Variants in NBEA observed in about 807,000 individuals in gnomAD.
NBEA encodes neurobeachin, also known as lysosomal-trafficking regulator 2.
Under a neutral mutation model 343.4 loss-of-function variants are expected in NBEA, and 44 were observed. The ratio of observed to expected loss-of-function variants is 0.13; its 90% CI spans 0.10 to 0.16. The LOEUF is 0.16. Among genes scored for constraint, NBEA ranks in the 10% least tolerant of loss-of-function variants. NBEA has a pLI of 1.00. For synonymous variants in NBEA, 1,175 were observed against 1,238.7 expected (o/e 0.95, Z 1.08); for missense variants, 2,555 against 3,631.3 (o/e 0.70, Z 7.62).
At chr13:35,143,326 C>T (rs773342017) in intron 18 of NBEA, among the ~76,000 whole-genome samples, 2 of 152,182 alleles carry the variant, frequency 1.3e-5, no homozygotes, top group African/African-American at 4.8e-5. Flanking sequence ...CTAGAAATTA[C>T]GGTGATGTAA....
chr13:35,195,984 C>T lies in NBEA; in HGVS notation c.5048C>T (p.Ala1683Val), dbSNP rs765159152. Residue 1683 changes from alanine (A) to valine (V), a missense_variant, in exon 31 of 59, where the codon GCT (alanine) becomes GTT (valine). By Grantham distance (64) the Ala-to-Val change is moderately conservative. This residue lies in a region of NBEA where 270 missense variants were observed against 293.3 expected (regional missense o/e 0.92). Coordinates refer to ENST00000379939, the MANE Select transcript of NBEA (RefSeq NM_001385012.1). ...TCAGGAATTGGAGAGGAGCAAGTGG[C>T]TAGCATCCTGAATGGGGCAGAATTA... ...TDSGIGEEQV[A>V]SILNGAELET... 6.2e-6 allele frequency: 10 copies of T among 1,613,512 alleles called. No individual in the cohort carries two copies. Among genetic ancestry groups the T allele is most frequent in the Non-Finnish European group, 8.5e-6 (10 of 1,179,728 alleles).
Position 35,335,626 on chromosome 13 carries a change from G to T in NBEA, c.5904-13482G>T, listed in dbSNP as rs547056860. Among the ~76,000 whole-genome samples, 4 of 152,094 alleles carry T rather than the reference G, an allele frequency of 2.6e-5. No individual in the cohort carries two copies. The South Asian group carries it at 8.3e-4, about 32-fold the overall frequency. ...CTTACAGTATTTTAGACTTATGATG[G>T]TTTTATTAGGACACAACTTCGTAAG... On this transcript the variant is annotated intron_variant, in intron 36 of 58. Coordinates refer to ENST00000379939, the MANE Select transcript of NBEA (RefSeq NM_001385012.1).
chr13:35,111,233 A>G (rs1296770859), intron 13 of NBEA, among the ~76,000 whole-genome samples: 1 of 152,176 alleles, frequency 6.6e-6, no homozygotes, highest in Non-Finnish European at 1.5e-5. Flanking sequence ...TCATTCAGGA[A>G]GATACATTCA....
At chr13:35,423,758 G>A (rs1445293057) in intron 38 of NBEA, among the ~76,000 whole-genome samples, 3 of 152,044 alleles carry the variant, frequency 2.0e-5, no homozygotes, top group South Asian at 2.1e-4. Flanking sequence ...CCATTTTCAC[G>A]ATATTGGTTC....
At chr13:35,472,707 T>C (rs903508572) in intron 41 of NBEA, among the ~76,000 whole-genome samples, 171 bp downstream of exon 41, 10 of 152,328 alleles carry the variant, frequency 6.6e-5, no homozygotes, top group African/African-American at 2.4e-4. Context: ...AAGAATATAT[T>C]AATGAATTTA....
chr13:35,037,966 G>T (rs1195317795), intron 1 of NBEA, among the ~76,000 whole-genome samples: 3 of 152,208 alleles, frequency 2.0e-5, no homozygotes, highest in African/African-American at 7.2e-5. Context: ...TGGGTCCAGA[G>T]ATGCCATATA....
chr13:35,476,162 A>G (rs2075854319), intron 41 of NBEA: 4 of 1,612,672 alleles, frequency 2.5e-6, no homozygotes, highest in Non-Finnish European at 3.4e-6. Context: ...TCCGGATTGT[A>G]CACCGGAGTC....
At chr13:35,436,595 A>G (rs1443593633) in intron 39 of NBEA, among the ~76,000 whole-genome samples, 3 of 151,982 alleles carry the variant, frequency 2.0e-5, no homozygotes, top group Non-Finnish European at 1.5e-5. Flanking sequence ...CTGTAGTCCC[A>G]GCTACTCGGG....
intron 17 of NBEA, among the ~76,000 whole-genome samples, chr13:35,141,923 C>G (rs958049634): frequency 6.6e-6 from 1 of 152,042 alleles, no homozygotes; most frequent in Non-Finnish European, 1.5e-5. Context: ...ATTATGTGGT[C>G]TGTATGTTAG....
intron 48 of NBEA, among the ~76,000 whole-genome samples, chr13:35,625,004 GAAA>G (rs2083159470): frequency 6.6e-6 from 1 of 151,894 alleles, no homozygotes; most frequent in Non-Finnish European, 1.5e-5. Flanking sequence ...GATGGTATTG[GAAA>G]AACTCACTCA....
intron 41 of NBEA, among the ~76,000 whole-genome samples, chr13:35,530,638 T>C (rs1163610303): frequency 6.6e-6 from 1 of 152,098 alleles, no homozygotes; most frequent in East Asian, 1.9e-4. Flanking sequence ...AATCCTAACA[T>C]AGTCTTCCCA....
intron 55 of NBEA, among the ~76,000 whole-genome samples, chr13:35,656,435 G>A (rs1189560919): frequency 1.3e-5 from 2 of 152,290 alleles, no homozygotes; most frequent in East Asian, 1.9e-4. Flanking sequence ...AAATAAATTT[G>A]TTGATGCTTG....
chr13:35,646,165 G>T, intron 50 of NBEA, 94 bp from the exon 51 acceptor site: 1 of 979,696 alleles, frequency 1.0e-6, no homozygotes, highest in African/African-American at 1.6e-5. Flanking sequence ...TTTTTTTCAT[G>T]GCTGACTTGG....
chr13:35,587,127 G>A (rs1211813717), intron 46 of NBEA, among the ~76,000 whole-genome samples: 1 of 151,982 alleles, frequency 6.6e-6, no homozygotes, highest in Non-Finnish European at 1.5e-5. Context: ...TATTAGCTGT[G>A]CGGAAACCAG....
At chr13:34,971,966 C>T (rs140787415) in intron 1 of NBEA, among the ~76,000 whole-genome samples, 7,158 of 152,086 alleles carry the variant, frequency 0.047, 256 homozygotes, top group Non-Finnish European at 0.069. Flanking sequence ...GTGAATCTGT[C>T]TGGCCCTGGG....
At position 35,393,471 on chromosome 13, in the gene NBEA, A is replaced by C. The variant is rs1371423256; in HGVS notation, c.6180-38798A>C. 2.0e-5 allele frequency among the ~76,000 whole-genome samples: 3 copies of C among 152,134 alleles called. No individual in the cohort carries two copies. The East Asian group carries it at 5.8e-4, about 29-fold the overall frequency. On this transcript the variant is annotated intron_variant, in intron 38 of 58. Coordinates refer to ENST00000379939, the MANE Select transcript of NBEA (RefSeq NM_001385012.1). The stretch of plus-strand genomic sequence containing the variant: ...TCCTTTGGTATGCTTTTTTCTTTAA[A>C]GTGTTTTATTTGGTGAAAATTGGAA...
At chr13:35,644,928 G>A (rs1053540439) in intron 49 of NBEA, among the ~76,000 whole-genome samples, 1 of 152,166 alleles carries the variant, frequency 6.6e-6, no homozygotes, top group Admixed American at 6.5e-5. Context: ...CACTTAAAGA[G>A]ATTTAATAAT....
At chr13:35,292,185 T>A (rs2035843588) in intron 35 of NBEA, among the ~76,000 whole-genome samples, 2 of 151,994 alleles carry the variant, frequency 1.3e-5, no homozygotes, top group Admixed American at 6.6e-5. Context: ...ATTAAGCTTC[T>A]AGAACTATCT....
chr13:34,960,365 A>C (rs1294234502), intron 1 of NBEA, among the ~76,000 whole-genome samples: 4 of 152,160 alleles, frequency 2.6e-5, no homozygotes, highest in Non-Finnish European at 5.9e-5. Flanking sequence ...TTATAAAGTA[A>C]AAAAGTTTAT....
Sources: gnomAD v4.1 joint callset for allele counts (sites outside exome capture counted in the v4.1 genomes callset) on GRCh38, gnomAD v4.1.1 for gene constraint, gnomAD v4.1.1 regional missense constraint, MANE v1.5 for transcripts, NCBI Gene and HGNC (gene_info 2026-07-23, HGNC 2026-07-21) for gene names.